The following CHRNA7 variants were observed in gnomAD, a reference collection of about 807,000 sequenced individuals.
The protein encoded by CHRNA7 is neuronal acetylcholine receptor subunit alpha-7.
Under a neutral mutation model 48.0 loss-of-function variants are expected in CHRNA7, and 17 were observed. The observed-to-expected ratio is 0.35, with a 90% CI of 0.24 to 0.53. CHRNA7 has a LOEUF of 0.53. Among genes scored for constraint, CHRNA7 ranks in the 20% least tolerant of loss-of-function variants. The pLI is 0.92. For synonymous variants in CHRNA7, 75 were observed against 242.3 expected, an observed-to-expected ratio of 0.31 and a Z score of 6.41; for missense variants, 155 against 577.7, an observed-to-expected ratio of 0.27 and a Z score of 7.50.
chr15:32,038,051 G>GATAAGT (rs2049380284), intron 2 of CHRNA7, among the ~76,000 whole-genome samples: 1 of 39,024 alleles, frequency 2.6e-5, no homozygotes, highest in Non-Finnish European at 6.2e-5. Context: ...AGGTTTTTTG[G>GATAAGT]ATATGTATAT....
intron 2 of CHRNA7, among the ~76,000 whole-genome samples, chr15:32,045,923 G>T (rs1013040998): frequency 6.7e-6 from 1 of 149,070 alleles, no homozygotes; most frequent in African/African-American, 2.5e-5. Context: ...GTGGTGTTTG[G>T]TTTTTTGTCC....
At position 32,030,548 on chromosome 15, in the gene CHRNA7, A is replaced by G. The variant is rs1402111192; in HGVS notation, c.-47A>G. 2.1e-6 allele frequency: 3 copies of G among 1,426,270 alleles called. No homozygotes were observed. The highest frequency in any genetic ancestry group is 3.0e-5 in the African/African-American group (2 of 67,092). 88.4% of individuals were successfully genotyped at this position (1,426,270 alleles called of 1,614,324 possible). A position where few individuals can be genotyped will look rare whatever the true frequency, so the allele number is the denominator to read the frequency against. ...GGCCGCAGGCGCAGGCCCGGGCGAC[A>G]GCCGAGACGTGGAGCGCGCCGGCTC... On this transcript the variant is annotated 5_prime_UTR_variant, in exon 1 of 10. Transcript: ENST00000306901.
intron 2 of CHRNA7, among the ~76,000 whole-genome samples, chr15:32,075,472 C>A (rs2050123083): frequency 6.6e-6 from 1 of 151,998 alleles, no homozygotes; most frequent in Non-Finnish European, 1.5e-5. Flanking sequence ...CTAAATCGTC[C>A]AATTTATGAG....
chr15:32,037,491 A>G (rs1902148621), intron 2 of CHRNA7, among the ~76,000 whole-genome samples: 1 of 152,162 alleles, frequency 6.6e-6, no homozygotes, highest in African/African-American at 2.4e-5. Context: ...TTGAATCTGT[A>G]GATCAAGTTG....
intron 4 of CHRNA7, among the ~76,000 whole-genome samples, chr15:32,116,207 T>C (rs1292891619): frequency 6.6e-6 from 1 of 152,248 alleles, no homozygotes; most frequent in African/African-American, 2.4e-5. Context: ...GTAGCTCAGC[T>C]GAAGCCTCCC....
At chr15:32,113,267 G>A (rs188566623) in intron 4 of CHRNA7, among the ~76,000 whole-genome samples, 1 of 152,140 alleles carries the variant, frequency 6.6e-6, no homozygotes, top group South Asian at 2.1e-4. Context: ...GTCTCTGTCC[G>A]TGCCCTAGTC....
At chr15:32,053,370 A>G (rs958570594) in intron 2 of CHRNA7, among the ~76,000 whole-genome samples, 1 of 152,206 alleles carries the variant, frequency 6.6e-6, no homozygotes, top group Non-Finnish European at 1.5e-5. Context: ...TTTTAAAATC[A>G]GGATTAGGTA....
chr15:32,128,378 T>C (rs55665138), intron 4 of CHRNA7, among the ~76,000 whole-genome samples: 3,135 of 152,092 alleles, frequency 0.021, 73 homozygotes, highest in Admixed American at 0.065. Context: ...CAGGTTCTCG[T>C]AGGGACAATT....
chr15:32,095,368 A>G (rs2050451132), intron 2 of CHRNA7, among the ~76,000 whole-genome samples: 1 of 152,246 alleles, frequency 6.6e-6, no homozygotes, highest in Non-Finnish European at 1.5e-5. Flanking sequence ...ATATCTATCA[A>G]TATTTAACAC....
At chr15:32,054,338 A>G (rs2049746149) in intron 2 of CHRNA7, among the ~76,000 whole-genome samples, 1 of 152,204 alleles carries the variant, frequency 6.6e-6, no homozygotes, top group Non-Finnish European at 1.5e-5. Flanking sequence ...AGTTTGTTTA[A>G]GTTCTCCATT....
chr15:32,104,484 A>G (rs1194353102), intron 3 of CHRNA7, among the ~76,000 whole-genome samples: 1 of 151,980 alleles, frequency 6.6e-6, no homozygotes, highest in Non-Finnish European at 1.5e-5. Context: ...TTTCTCCCAA[A>G]GGCTTCTCAC....
At chr15:32,032,533 A>G (rs925030511) in intron 2 of CHRNA7, among the ~76,000 whole-genome samples, 2 of 152,220 alleles carry the variant, frequency 1.3e-5, no homozygotes, top group Admixed American at 6.5e-5. Flanking sequence ...GATTATGGTC[A>G]TTTTCATGCA....
intron 2 of CHRNA7, among the ~76,000 whole-genome samples, chr15:32,058,221 G>A (rs1566809518): frequency 1.3e-5 from 2 of 152,134 alleles, no homozygotes. Context: ...AGGGTTGTTC[G>A]GACCCTCCAT....
intron 4 of CHRNA7, among the ~76,000 whole-genome samples, chr15:32,145,101 G>A (rs2051460159): frequency 1.3e-5 from 2 of 152,192 alleles, no homozygotes; most frequent in African/African-American, 4.8e-5. Flanking sequence ...GGGTTTTGGT[G>A]TGGATGTCCC....
intron 4 of CHRNA7, among the ~76,000 whole-genome samples, chr15:32,123,753 C>G (rs1432534509): frequency 6.6e-6 from 1 of 152,090 alleles, no homozygotes; most frequent in Non-Finnish European, 1.5e-5. Flanking sequence ...CCTTCCTCTC[C>G]CCTCTCTCTC....
intron 2 of CHRNA7, among the ~76,000 whole-genome samples, chr15:32,049,512 C>T (rs1032172240): frequency 1.6e-4 from 25 of 152,154 alleles, no homozygotes; most frequent in African/African-American, 6.0e-4. Flanking sequence ...GATCTTCCTC[C>T]ATCCTTTAAT....
At chr15:32,100,539 C>T (rs1057351952) in intron 2 of CHRNA7, 9 of 154,412 alleles carry the variant, frequency 5.8e-5, no homozygotes, top group Admixed American at 3.3e-4. Flanking sequence ...ACAGCTGGTA[C>T]ACTAGCCAAG....
intron 2 of CHRNA7, among the ~76,000 whole-genome samples, chr15:32,086,949 C>G (rs1056592181): frequency 2.0e-5 from 3 of 152,060 alleles, no homozygotes; most frequent in South Asian, 4.2e-4. Flanking sequence ...TTCGTCAGGT[C>G]CCTCGACTGC....
chr15:32,037,523 A>G (rs1219037965), intron 2 of CHRNA7, among the ~76,000 whole-genome samples: 2 of 152,184 alleles, frequency 1.3e-5, no homozygotes, highest in South Asian at 2.1e-4. Flanking sequence ...CATATTGACA[A>G]TACTGAATTT....
Sources: allele counts gnomAD v4.1 joint callset (sites outside exome capture counted in the v4.1 genomes callset), GRCh38; gene constraint gnomAD v4.1.1; transcripts MANE v1.5; gene names NCBI Gene and HGNC (gene_info 2026-07-23, HGNC 2026-07-21).